The following ANK2 variants were observed in gnomAD, a reference collection of about 807,000 sequenced individuals.
The protein encoded by ANK2 is ankyrin-2.
Under a neutral mutation model 360.5 loss-of-function variants are expected in ANK2, and 83 were observed. That is an observed-to-expected ratio of 0.23 (90% CI 0.19 to 0.28). The LOEUF is 0.28. Among genes scored for constraint, ANK2 ranks in the 10% least tolerant of loss-of-function variants. The pLI is 1.00. For synonymous variants in ANK2, 1,740 were observed against 1,759.5 expected (o/e 0.99, Z 0.28); for missense variants, 4,201 against 4,795.7 (o/e 0.88, Z 3.66).
intron 1 of ANK2, among the ~76,000 whole-genome samples, chr4:113,161,867 T>G (rs115006787): frequency 6.6e-6 from 1 of 152,138 alleles, no homozygotes; most frequent in African/African-American, 2.4e-5. Context: ...AGGACATTCA[T>G]GAGCAGAGAA....
Position 113,029,616 on chromosome 4 carries a change from T to C in ANK2, c.21+125102T>C, listed in dbSNP as rs568460883. 5.5e-4 allele frequency among the ~76,000 whole-genome samples: 84 copies of C among 152,122 alleles called. No homozygotes were observed. The South Asian group carries it at 0.017, about 30-fold the overall frequency. On this transcript the variant is annotated intron_variant, in intron 2 of 30. Transcript: ENST00000503271. The stretch of plus-strand genomic sequence containing the variant: ...TGAACCTTGAGGCCTCAAGAAACTA[T>C]AGTAATTAGTGGGTCTGAGGCCCAC...
chr4:112,770,535 G>T, the ANK2 span, among the ~76,000 whole-genome samples: 2 of 152,098 alleles, frequency 1.3e-5, no homozygotes, highest in Non-Finnish European at 2.9e-5. Context: ...GTGAAATCCT[G>T]TCTCTACTAA....
At chr4:113,300,441 A>G (rs907078347) in intron 22 of ANK2, among the ~76,000 whole-genome samples, 1 of 152,216 alleles carries the variant, frequency 6.6e-6, no homozygotes, top group Non-Finnish European at 1.5e-5. Flanking sequence ...TATATATTTG[A>G]AAAGCTCCTG....
chr4:112,707,258 T>G, the ANK2 span, among the ~76,000 whole-genome samples: 1 of 152,216 alleles, frequency 6.6e-6, no homozygotes, highest in Admixed American at 6.5e-5. Flanking sequence ...TATGAAAACG[T>G]GACAGTAAAA....
chr4:113,072,930 C>T (rs559059869), intron 1 of ANK2, among the ~76,000 whole-genome samples: 2 of 142,760 alleles, frequency 1.4e-5, no homozygotes, highest in East Asian at 2.1e-4. Context: ...CTTTTCTTCT[C>T]GACTCTGTCA....
At chr4:113,249,469 C>A (rs1206067386) in intron 9 of ANK2, among the ~76,000 whole-genome samples, 1 of 152,176 alleles carries the variant, frequency 6.6e-6, no homozygotes, top group East Asian at 1.9e-4. Flanking sequence ...GACACATGAC[C>A]AGAAGCCAAT....
chr4:112,939,111 C>T (rs1228740812), intron 2 of ANK2, among the ~76,000 whole-genome samples: 1 of 151,982 alleles, frequency 6.6e-6, no homozygotes, highest in Non-Finnish European at 1.5e-5. Flanking sequence ...AGTTAGTATG[C>T]TAATATTGTG....
the ANK2 span, among the ~76,000 whole-genome samples, chr4:112,724,193 T>C: frequency 6.6e-6 from 1 of 151,138 alleles, no homozygotes; most frequent in Non-Finnish European, 1.5e-5. Context: ...GCCTTCAGAG[T>C]AGCTGGGACT....
rs147151513 is a variant in ANK2, at chr4:113,097,630, C to T, written c.84+47818C>T. Among the ~76,000 whole-genome samples the T allele has an allele frequency of 2.0e-5, 3 of 151,834 alleles. No homozygotes were observed. The East Asian group carries it at 5.8e-4, about 29-fold the overall frequency. On this transcript the variant is annotated intron_variant, in intron 1 of 45. Coordinates refer to ENST00000357077, the MANE Select transcript of ANK2 (RefSeq NM_001148.6). ...TAAATGAAAACTTTCCAATTTTTGC[C>T]CAAGGGCTGACTCTGTTTGAAGGAC... is the stretch of plus-strand genomic sequence containing the variant.
At chr4:113,349,252 A>G (rs759286949) in intron 36 of ANK2, among the ~76,000 whole-genome samples, 37 of 151,896 alleles carry the variant, frequency 2.4e-4, no homozygotes, top group Non-Finnish European at 4.7e-4. Context: ...ATGCCCAAAT[A>G]TTATAATAGA....
the ANK2 span, among the ~76,000 whole-genome samples, chr4:112,722,565 C>T: frequency 2.0e-5 from 3 of 152,150 alleles, no homozygotes; most frequent in Admixed American, 6.5e-5. Context: ...TTGCCATCCT[C>T]AGGTGATAGC....
At chr4:113,019,900 T>A (rs1170351980) in intron 2 of ANK2, among the ~76,000 whole-genome samples, 1 of 152,108 alleles carries the variant, frequency 6.6e-6, no homozygotes, top group Non-Finnish European at 1.5e-5. Context: ...GATTACCTAT[T>A]ATCTAACAAA....
rs905638621 is a variant in ANK2 at position 113,292,312 on chromosome 4, G to T, written c.2278-104G>T. 20 of 1,045,030 alleles carry T rather than the reference G, an allele frequency of 1.9e-5. No homozygotes were observed. In the South Asian group the frequency reaches 2.6e-4, roughly 14 times the overall value. 64.7% of individuals were successfully genotyped at this position (1,045,030 alleles called of 1,614,324 possible). On this transcript the variant is annotated intron_variant, in intron 20 of 45. Coordinates refer to ENST00000357077, the MANE Select transcript of ANK2 (RefSeq NM_001148.6). ...ATCTTGGGCTCCAAATAAAGCATCTGTGATGGTTTTGTTGTAAATAAGACT... is the reference window on the plus strand; with the variant it reads ...ATCTTGGGCTCCAAATAAAGCATCTTTGATGGTTTTGTTGTAAATAAGACT...
At chr4:113,338,842 C>T (rs1285298659) in intron 31 of ANK2, among the ~76,000 whole-genome samples, 1 of 152,014 alleles carries the variant, frequency 6.6e-6, no homozygotes, top group East Asian at 1.9e-4. Flanking sequence ...AGTCACCGCG[C>T]CCGGCCGATT....
Position 113,381,657 on chromosome 4 carries a change from C to T in ANK2, c.*186C>T, listed in dbSNP as rs1428059651. 3 of 1,541,920 alleles carry T rather than the reference C, an allele frequency of 1.9e-6. No homozygotes were observed. The highest frequency in any genetic ancestry group is 2.4e-5 in the East Asian group (1 of 40,900). On this transcript the variant is annotated 3_prime_UTR_variant, in exon 46 of 46. Coordinates refer to ENST00000357077, the MANE Select transcript of ANK2 (RefSeq NM_001148.6). ...GCCAAGTGAGGGGCTGCCCAGTTCT[C>T]ACACCAGAAACCACACATTCACTCA...
chr4:113,012,678 G>A (rs1340055068), intron 2 of ANK2, among the ~76,000 whole-genome samples: 1 of 152,154 alleles, frequency 6.6e-6, no homozygotes, highest in Non-Finnish European at 1.5e-5. Context: ...TTTGAGAAGT[G>A]TGTAAAACTT....
At chr4:113,258,532 G>A (rs765259253) in intron 13 of ANK2, 121 bp downstream of exon 13, 21 of 933,036 alleles carry the variant, frequency 2.3e-5, no homozygotes, top group Non-Finnish European at 3.5e-5. Context: ...CTTTGAGAAG[G>A]GCCCTTGTAA....
the ANK2 span, among the ~76,000 whole-genome samples, chr4:112,737,128 A>C: frequency 6.6e-6 from 1 of 152,122 alleles, no homozygotes; most frequent in Non-Finnish European, 1.5e-5. Flanking sequence ...ATTGTCTATA[A>C]ATTGGGGATA....
chr4:113,095,863 T>C (rs1219877368), intron 1 of ANK2, among the ~76,000 whole-genome samples: 2 of 152,232 alleles, frequency 1.3e-5, no homozygotes, highest in South Asian at 2.1e-4. Context: ...TCATCTGTGC[T>C]AATGAGTCTG....
Sources: allele counts gnomAD v4.1 joint callset (sites outside exome capture counted in the v4.1 genomes callset), GRCh38; gene constraint gnomAD v4.1.1; transcripts MANE v1.5; gene names NCBI Gene and HGNC (gene_info 2026-07-23, HGNC 2026-07-21).